Variants in PAFAH1B1 observed in about 807,000 individuals in gnomAD.
The protein encoded by PAFAH1B1 is platelet-activating factor acetylhydrolase IB subunit beta.
PAFAH1B1 carries 2 observed loss-of-function variants against 57.5 expected under a neutral mutation model. That is an observed-to-expected ratio of 0.03 (90% CI 0.01 to 0.11). The LOEUF is 0.11. PAFAH1B1 is among the 10% of genes least tolerant of loss of function. PAFAH1B1 has a pLI of 1.00. For missense variants in PAFAH1B1, 257 were observed against 512.0 expected (o/e 0.50, Z 4.81); for synonymous variants, 152 against 169.6 (o/e 0.90, Z 0.81).
intron 2 of PAFAH1B1, chr17:2,641,957 G>T (rs552189471): frequency 1.3e-5 from 2 of 152,164 alleles, no homozygotes; most frequent in East Asian, 3.9e-4. Context: ...TATAGTTTTG[G>T]TTGTTAGCAA....
At chr17:2,639,535 C>T (rs2068669626) in intron 2 of PAFAH1B1, 11 of 152,048 alleles carry the variant, frequency 7.2e-5, no homozygotes, top group Admixed American at 7.2e-4. Context: ...TTTCCACTCC[C>T]CCGCTTCACC....
intron 1 of PAFAH1B1, among the ~76,000 whole-genome samples, chr17:2,610,004 TA>T (rs762398130): frequency 1.3e-4 from 20 of 152,194 alleles, no homozygotes; most frequent in Non-Finnish European, 2.4e-4. Context: ...TTTGTATTTT[TA>T]GTAGAGGCAG....
At chr17:2,662,306 C>T (rs2069025755) in intron 2 of PAFAH1B1, among the ~76,000 whole-genome samples, 1 of 150,520 alleles carries the variant, frequency 6.6e-6, no homozygotes, top group Non-Finnish European at 1.5e-5. Context: ...GGATAAAAGT[C>T]CTTCATCTCA....
chr17:2,614,581 A>G (rs566972927), intron 1 of PAFAH1B1, among the ~76,000 whole-genome samples: 54 of 152,212 alleles, frequency 3.5e-4, no homozygotes, highest in African/African-American at 1.2e-3. Context: ...TTCTTGAAGG[A>G]TTTTTAAAGA....
At chr17:2,607,715 G>A (rs1434439626) in intron 1 of PAFAH1B1, among the ~76,000 whole-genome samples, 1 of 151,450 alleles carries the variant, frequency 6.6e-6, no homozygotes, top group African/African-American at 2.4e-5. Flanking sequence ...CAAACTCTGG[G>A]CCTCAAGTGA....
At chr17:2,640,121 A>G (rs945760347) in intron 2 of PAFAH1B1, 6 of 152,340 alleles carry the variant, frequency 3.9e-5, no homozygotes, top group African/African-American at 1.4e-4. Flanking sequence ...TAAGTTGCAT[A>G]TATCAAAGAA....
intron 1 of PAFAH1B1, among the ~76,000 whole-genome samples, chr17:2,637,343 T>C (rs768500980): frequency 1.3e-5 from 2 of 152,134 alleles, no homozygotes; most frequent in Non-Finnish European, 2.9e-5. Context: ...TTCCAGCACT[T>C]TGGGAGACTG....
intron 2 of PAFAH1B1, chr17:2,640,240 T>G (rs1189143133): frequency 1.3e-5 from 2 of 152,142 alleles, no homozygotes; most frequent in Non-Finnish European, 2.9e-5. Context: ...TATTCCAGTT[T>G]TATCAGTTGA....
chr17:2,605,482 A>C (rs1444758163), intron 1 of PAFAH1B1, among the ~76,000 whole-genome samples: 1 of 152,182 alleles, frequency 6.6e-6, no homozygotes, highest in Non-Finnish European at 1.5e-5. Flanking sequence ...GTGTTTATTG[A>C]ATCCTAAATG....
rs576682979 is a variant in PAFAH1B1 at position 2,650,533 on chromosome 17, G to C, written c.32+12213G>C. ...TCTAAAAAAAAAAAAAAAATACAGG[G>C]ATGTCGGCGCAGTCTTGGGACCTAC... On this transcript the variant is annotated intron_variant, in intron 2 of 10. Coordinates refer to ENST00000397195, the MANE Select transcript of PAFAH1B1 (RefSeq NM_000430.4). Among the ~76,000 whole-genome samples, 778 of 149,654 alleles carry C rather than the reference G, an allele frequency of 5.2e-3. 6 individuals are homozygous for C. The highest frequency in any genetic ancestry group is 0.014 in the South Asian group (66 of 4,684).
At chr17:2,666,139 CTT>C in intron 4 of PAFAH1B1, 49 bp downstream of exon 4, 1 of 1,315,540 alleles carries the variant, frequency 7.6e-7, no homozygotes, top group Middle Eastern at 2.7e-4. Flanking sequence ...GTTATATAAA[CTT>C]TCTGAAAATA....
chr17:2,593,590 GGGCGGC>G (rs552674446), upstream of PAFAH1B1, among the ~76,000 whole-genome samples: 18 of 148,772 alleles, frequency 1.2e-4, no homozygotes, highest in South Asian at 8.5e-4. Flanking sequence ...GGCGGGTCTG[GGGCGGC>G]GGCGGCGGCG....
chr17:2,681,766 C>T lies in PAFAH1B1; in HGVS notation c.1197C>T (p.Ser399=), dbSNP rs747855539. The T allele has an allele frequency of 7.2e-5, 116 of 1,612,520 alleles. 1 individual carries two copies. The highest frequency in any genetic ancestry group is 4.0e-4 in the Middle Eastern group (2 of 5,022). ...HKTAPYVVTG[S]VDQTVKVWEC... ...CGGCACCCTATGTCGTCACTGGCAGCGTAGATCAAACAGTAAAAGTGTGGG... is the reference window on the plus strand; with the variant it reads ...CGGCACCCTATGTCGTCACTGGCAGTGTAGATCAAACAGTAAAAGTGTGGG... The change falls in exon 11 of 11, where the codon AGC becomes AGT. Residue 399 remains serine (S), a synonymous_variant. Transcript: ENST00000397195.
At chr17:2,666,848 T>G (rs1169171840) in intron 4 of PAFAH1B1, 144 bp from the exon 5 acceptor site, 1 of 624,946 alleles carries the variant, frequency 1.6e-6, no homozygotes, top group East Asian at 2.8e-5. Flanking sequence ...AATTTTCATT[T>G]AAATTTGACA....
At chr17:2,660,428 G>T (rs1185919438) in intron 2 of PAFAH1B1, among the ~76,000 whole-genome samples, 5 of 152,030 alleles carry the variant, frequency 3.3e-5, no homozygotes, top group South Asian at 2.1e-4. Context: ...ACAGGCCCGG[G>T]TGTGTGTTGT....
At chr17:2,607,473 C>CCTTTT (rs1200817182) in intron 1 of PAFAH1B1, among the ~76,000 whole-genome samples, 6 of 151,762 alleles carry the variant, frequency 4.0e-5, no homozygotes, top group Non-Finnish European at 7.4e-5. Flanking sequence ...CCACGCCTGG[C>CCTTTT]CTTTTCTTTT....
Position 2,593,880 on chromosome 17 carries a change from C to T in PAFAH1B1, c.-317C>T. The stretch of plus-strand genomic sequence containing the variant: ...TCCCCCTCCCCGGGCCCGGGCCCAG[C>T]GCGCCATCCTCCCCCCTCCTTCCCT... On this transcript the variant is annotated 5_prime_UTR_variant, in exon 1 of 11. Transcript: ENST00000397195. The T allele has an allele frequency of 3.7e-6, 1 of 267,102 alleles. No homozygotes were observed. The highest frequency in any genetic ancestry group is 6.9e-6 in the Non-Finnish European group (1 of 145,754). 16.5% of individuals were successfully genotyped at this position (267,102 alleles called of 1,614,324 possible).
chr17:2,607,521 A>G (rs185566138), intron 1 of PAFAH1B1, among the ~76,000 whole-genome samples: 158 of 148,536 alleles, frequency 1.1e-3, no homozygotes, highest in African/African-American at 3.6e-3. Context: ...GTCCCGCTCT[A>G]TCACCCAGGC....
intron 7 of PAFAH1B1, chr17:2,673,664 A>G (rs923774183): frequency 2.6e-5 from 5 of 190,700 alleles, no homozygotes; most frequent in Admixed American, 5.4e-5. Context: ...AAAGTAAATA[A>G]TCTTTGTGCT....
Sources: gnomAD v4.1 joint callset for allele counts (sites outside exome capture counted in the v4.1 genomes callset) on GRCh38, gnomAD v4.1.1 for gene constraint, MANE v1.5 for transcripts, NCBI Gene and HGNC (gene_info 2026-07-23, HGNC 2026-07-21) for gene names.